Variants in GPHN observed in about 807,000 individuals in gnomAD.
GPHN encodes the protein gephyrin.
In GPHN, 17 loss-of-function variants were observed where a neutral mutation model predicts 95.5. The observed-to-expected ratio is 0.18, with a 90% CI of 0.12 to 0.27. The LOEUF is 0.27. GPHN is among the 10% of genes least tolerant of loss of function. The pLI is 1.00. For synonymous variants in GPHN, 320 were observed against 322.5 expected (o/e 0.99, Z 0.08); for missense variants, 660 against 978.1 (o/e 0.67, Z 4.34).
At chr14:67,606,571 C>G in the GPHN span, among the ~76,000 whole-genome samples, 11 of 152,172 alleles carry the variant, frequency 7.2e-5, no homozygotes, top group South Asian at 4.1e-4. Flanking sequence ...AAATAAGTTA[C>G]CTTTATGTAA....
chr14:67,174,648 A>G (rs1230391626), intron 21 of GPHN, among the ~76,000 whole-genome samples: 1 of 152,194 alleles, frequency 6.6e-6, no homozygotes, highest in Admixed American at 6.5e-5. Context: ...TCCTTGAGGA[A>G]TCTCCACACT....
At chr14:67,321,091 C>T in the GPHN span, 57 of 1,614,040 alleles carry the variant, frequency 3.5e-5, no homozygotes, top group East Asian at 6.2e-4. Flanking sequence ...AAGAAGTAGC[C>T]GGTAGAGATT....
the GPHN span, among the ~76,000 whole-genome samples, chr14:67,440,362 G>A: frequency 5.3e-5 from 8 of 152,074 alleles, no homozygotes; most frequent in Non-Finnish European, 1.2e-4. Context: ...CAGGTGGTCA[G>A]GATTTACACT....
the GPHN span, among the ~76,000 whole-genome samples, chr14:67,220,644 G>A: frequency 6.6e-6 from 1 of 152,042 alleles, no homozygotes; most frequent in Non-Finnish European, 1.5e-5. Context: ...CTCATATCTT[G>A]ACAGTAGTCC....
At chr14:66,726,210 C>T (rs1405755923) in intron 2 of GPHN, among the ~76,000 whole-genome samples, 1 of 152,168 alleles carries the variant, frequency 6.6e-6, no homozygotes, top group Non-Finnish European at 1.5e-5. Flanking sequence ...TATTTATAAA[C>T]ATGTACTACT....
chr14:66,574,744 C>T (rs2060837967), intron 1 of GPHN, among the ~76,000 whole-genome samples: 2 of 152,164 alleles, frequency 1.3e-5, no homozygotes, highest in Admixed American at 1.3e-4. Context: ...TAGGCATCAT[C>T]CTATCGACCA....
At chr14:67,175,458 T>G (rs1037163367) in intron 21 of GPHN, among the ~76,000 whole-genome samples, 1 of 152,140 alleles carries the variant, frequency 6.6e-6, no homozygotes, top group African/African-American at 2.4e-5. Flanking sequence ...GGTACCAGTA[T>G]CATGCTGTTT....
the GPHN span, among the ~76,000 whole-genome samples, chr14:67,372,662 C>T: frequency 5.9e-5 from 9 of 152,028 alleles, no homozygotes; most frequent in Non-Finnish European, 1.0e-4. Flanking sequence ...AACCCCGTCT[C>T]TACTAAAATA....
intron 8 of GPHN, among the ~76,000 whole-genome samples, chr14:66,959,710 C>G (rs1488795904): frequency 6.6e-6 from 1 of 151,998 alleles, no homozygotes; most frequent in African/African-American, 2.4e-5. Flanking sequence ...ATCTTCGTGT[C>G]AGTCTTTTTT....
chr14:67,280,879 C>T, the GPHN span, among the ~76,000 whole-genome samples: 1 of 131,904 alleles, frequency 7.6e-6, no homozygotes, highest in African/African-American at 2.9e-5. Flanking sequence ...CTCCCTCCCT[C>T]CCTTTTCTTT....
the GPHN span, among the ~76,000 whole-genome samples, chr14:67,256,154 A>C: frequency 3.3e-5 from 5 of 152,360 alleles, no homozygotes; most frequent in South Asian, 1.0e-3. Context: ...AAAGTAGGGA[A>C]TATTTGGTCT....
chr14:67,152,352 T>C (rs1487240458), intron 18 of GPHN, among the ~76,000 whole-genome samples: 2 of 152,224 alleles, frequency 1.3e-5, no homozygotes, highest in African/African-American at 4.8e-5. Flanking sequence ...AATGATAAAT[T>C]ACTTTTAGCA....
chr14:66,561,276 C>G (rs2060229122), intron 1 of GPHN, among the ~76,000 whole-genome samples: 2 of 152,228 alleles, frequency 1.3e-5, no homozygotes, highest in South Asian at 4.2e-4. Flanking sequence ...AGGGAGGATT[C>G]CCTCTTTTTC....
chr14:67,444,059 T>C, the GPHN span, among the ~76,000 whole-genome samples: 1 of 152,182 alleles, frequency 6.6e-6, no homozygotes, highest in African/African-American at 2.4e-5. Context: ...TTGTCTCTTA[T>C]CCACCTATGA....
the GPHN span, among the ~76,000 whole-genome samples, chr14:67,546,415 T>G: frequency 6.6e-6 from 1 of 152,022 alleles, no homozygotes; most frequent in Non-Finnish European, 1.5e-5. Context: ...TTGTTTTTGT[T>G]TTTGAGACAA....
the GPHN span, chr14:67,584,068 TACCTGACCGTGGCC>T: frequency 1.9e-6 from 3 of 1,614,024 alleles, no homozygotes; most frequent in Non-Finnish European, 2.5e-6. Context: ...CATCCGCATC[TACCTGACCGTGGCC>T]AGGAAATGGC....
the GPHN span, among the ~76,000 whole-genome samples, chr14:67,444,664 C>G: frequency 1.3e-5 from 2 of 152,142 alleles, no homozygotes; most frequent in South Asian, 4.1e-4. Flanking sequence ...GGGCTGGCCA[C>G]CAGAAAGACC....
the GPHN span, among the ~76,000 whole-genome samples, chr14:67,637,185 G>A: frequency 6.6e-6 from 1 of 151,924 alleles, no homozygotes; most frequent in South Asian, 2.1e-4. Flanking sequence ...TGAAGTGGGA[G>A]GATCACTTGA....
the GPHN span, among the ~76,000 whole-genome samples, chr14:67,468,511 A>G: frequency 6.6e-6 from 1 of 152,218 alleles, no homozygotes; most frequent in Non-Finnish European, 1.5e-5. Flanking sequence ...CCTTAGTGTT[A>G]GCTCTCCTGG....
Sources: allele counts gnomAD v4.1 joint callset (sites outside exome capture counted in the v4.1 genomes callset), GRCh38; gene constraint gnomAD v4.1.1; transcripts MANE v1.5; gene names NCBI Gene and HGNC (gene_info 2026-07-23, HGNC 2026-07-21).